The following EPC1 variants were observed in gnomAD, a reference collection of about 807,000 sequenced individuals.
EPC1 encodes enhancer of polycomb homolog 1.
A neutral mutation model predicts 98.4 loss-of-function variants in EPC1; 12 were observed. The ratio of observed to expected loss-of-function variants is 0.12; its 90% CI spans 0.08 to 0.20. The LOEUF (loss-of-function observed/expected upper bound fraction) is 0.20. Ranked by LOEUF, EPC1 falls within the 10% of genes least tolerant of loss-of-function variation. The probability of loss-of-function intolerance (pLI) is 1.00; values close to 1 mark genes in which losing one functional copy is unlikely to be tolerated. For missense variants in EPC1, 729 were observed against 990.5 expected, an observed-to-expected ratio of 0.74 and a Z score of 3.54; for synonymous variants, 357 against 363.9, an observed-to-expected ratio of 0.98 and a Z score of 0.21.
chr10:32,286,499 T>A (rs773074217), intron 9 of EPC1, 195 bp downstream of exon 9: 3 of 624,070 alleles, frequency 4.8e-6, no homozygotes, highest in Non-Finnish European at 8.0e-6. Flanking sequence ...AGGGACCCAA[T>A]AGAGTTATGT....
At chr10:32,291,478 A>T in intron 5 of EPC1, 156 bp from the exon 6 acceptor site, 1 of 581,844 alleles carries the variant, frequency 1.7e-6, no homozygotes, top group Admixed American at 3.1e-5. Flanking sequence ...ATGTGGTGAG[A>T]TTACTTAAGA....
intron 2 of EPC1, among the ~76,000 whole-genome samples, chr10:32,297,145 A>G (rs1835215751): frequency 6.6e-6 from 1 of 152,076 alleles, no homozygotes; most frequent in African/African-American, 2.4e-5. Flanking sequence ...TAGAATTAAG[A>G]GTATCTTCAG....
intron 10 of EPC1, among the ~76,000 whole-genome samples, chr10:32,279,263 C>T (rs556217324): frequency 6.6e-6 from 1 of 151,376 alleles, no homozygotes; most frequent in East Asian, 2.0e-4. Context: ...GTGGGAGAAT[C>T]GCTGAACCCG....
intron 2 of EPC1, among the ~76,000 whole-genome samples, chr10:32,300,077 A>G (rs78437480): frequency 4.6e-5 from 7 of 151,792 alleles, no homozygotes; most frequent in Non-Finnish European, 4.4e-5. Context: ...ACGCCCGGCT[A>G]ATTTTTTGTA....
chr10:32,293,794 C>T, intron 2 of EPC1, 57 bp from the exon 3 acceptor site: 1 of 1,480,502 alleles, frequency 6.8e-7, no homozygotes, highest in Non-Finnish European at 9.1e-7. Flanking sequence ...ACAAAAACTC[C>T]ACAGATGTCT....
chr10:32,299,559 CATCATT>C (rs1305814197), intron 2 of EPC1, among the ~76,000 whole-genome samples: 33 of 151,920 alleles, frequency 2.2e-4, no homozygotes, highest in South Asian at 6.2e-4. Flanking sequence ...TCATCATCAT[CATCATT>C]ATTATTATTA....
chr10:32,346,961 C>G lies in EPC1; in HGVS notation c.-46G>C. ...CTCCGCTCTGGGGAAACGGCCCCGG[C>G]CAGCGGGATCATGGAGAACCGGGGG... On this transcript the variant is annotated 5_prime_UTR_variant, in exon 1 of 14. Coordinates refer to ENST00000319778, the MANE Select transcript of EPC1 (RefSeq NM_001272004.3). 1 of 1,602,934 alleles carries G rather than the reference C, an allele frequency of 6.2e-7. No homozygotes were observed. The highest frequency in any genetic ancestry group is 8.5e-7 in the Non-Finnish European group (1 of 1,178,398).
chr10:32,290,982 G>T (rs1207496337), intron 6 of EPC1, among the ~76,000 whole-genome samples, 181 bp downstream of exon 6: 1 of 151,962 alleles, frequency 6.6e-6, no homozygotes, highest in Non-Finnish European at 1.5e-5. Flanking sequence ...TCACCATGTT[G>T]GTCAGGCTGG....
At chr10:32,314,694 A>G (rs1464696940) in intron 1 of EPC1, among the ~76,000 whole-genome samples, 1 of 152,204 alleles carries the variant, frequency 6.6e-6, no homozygotes, top group East Asian at 1.9e-4. Context: ...GCCTGCTCTA[A>G]ACAGGCCATA....
At chr10:32,322,832 G>A (rs1463777595) in intron 1 of EPC1, among the ~76,000 whole-genome samples, 1 of 152,128 alleles carries the variant, frequency 6.6e-6, no homozygotes, top group African/African-American at 2.4e-5. Context: ...AGGCTGGGAA[G>A]GGTAGTGGGG....
intron 1 of EPC1, among the ~76,000 whole-genome samples, chr10:32,321,023 T>C (rs997322396): frequency 2.0e-5 from 3 of 152,228 alleles, no homozygotes; most frequent in African/African-American, 4.8e-5. Context: ...GTCCAACTCA[T>C]AATGAGGTCT....
chr10:32,284,810 G>C lies in EPC1; in HGVS notation c.1632C>G (p.Leu544=). Residue 544 remains leucine, a synonymous_variant, in exon 10 of 14, where the codon CTC becomes CTG. Transcript: ENST00000319778. ...PSLHDSDNDE[L]SCRKLYRSIN... Reference sequence around the variant, plus strand: ...TACTCCTATATAATTTTCTACAGGAGAGTTCATCATTGTCACTGTCATGTA... The same window carrying C: ...TACTCCTATATAATTTTCTACAGGACAGTTCATCATTGTCACTGTCATGTA... 8 of 1,614,168 alleles carry C rather than the reference G, an allele frequency of 5.0e-6. No individual in the cohort carries two copies. Among genetic ancestry groups the C allele is most frequent in the Non-Finnish European group, 6.8e-6 (8 of 1,180,010 alleles).
intron 1 of EPC1, among the ~76,000 whole-genome samples, chr10:32,311,503 G>C (rs1836227609): frequency 1.3e-5 from 2 of 151,640 alleles, no homozygotes; most frequent in South Asian, 4.2e-4. Context: ...AAACAAATAT[G>C]GTTAGGTTCT....
chr10:32,276,396 C>T (rs1055090962), intron 10 of EPC1, among the ~76,000 whole-genome samples: 2 of 152,186 alleles, frequency 1.3e-5, no homozygotes, highest in African/African-American at 4.8e-5. Context: ...CCTGTAATCC[C>T]AGCTACTCGG....
chr10:32,360,619 T>C (rs966072458), intron 1 of EPC1, among the ~76,000 whole-genome samples: 12 of 152,140 alleles, frequency 7.9e-5, no homozygotes, highest in African/African-American at 2.9e-4. Context: ...CTCACATGTA[T>C]CAGGTGGTTC....
At chr10:32,377,487 A>G (rs1331466260) in intron 1 of EPC1, 2 of 152,230 alleles carry the variant, frequency 1.3e-5, no homozygotes, top group Admixed American at 1.3e-4. Flanking sequence ...TATAGAGATG[A>G]TAAATCAGAT....
chr10:32,304,267 A>G (rs74128035), intron 2 of EPC1, among the ~76,000 whole-genome samples: 2,028 of 152,278 alleles, frequency 0.013, 46 homozygotes, highest in African/African-American at 0.047. Flanking sequence ...GATAATGTAA[A>G]TTAGTATAAT....
chr10:32,269,856 C>T (rs1187380920), intron 13 of EPC1, among the ~76,000 whole-genome samples: 1 of 152,226 alleles, frequency 6.6e-6, no homozygotes, highest in Admixed American at 6.5e-5. Context: ...TTGGAAACTA[C>T]AGGCCACAGT....
upstream of EPC1, among the ~76,000 whole-genome samples, chr10:32,349,259 A>G (rs1188477048): frequency 1.3e-5 from 2 of 152,242 alleles, no homozygotes; most frequent in Non-Finnish European, 1.5e-5. Flanking sequence ...AAGGAAATGA[A>G]TTATTTCTAC....
Sources: allele counts gnomAD v4.1 joint callset (sites outside exome capture counted in the v4.1 genomes callset), GRCh38; gene constraint gnomAD v4.1.1; transcripts MANE v1.5; gene names NCBI Gene and HGNC (gene_info 2026-07-23, HGNC 2026-07-21).